DPP6: variants seen among roughly 807,000 people sequenced by gnomAD.
DPP6 encodes the protein dipeptidyl peptidase like 6, also known as A-type potassium channel modulatory protein DPP6.
A neutral mutation model predicts 122.6 loss-of-function variants in DPP6; 69 were observed. The ratio of observed to expected loss-of-function variants is 0.56; its 90% CI spans 0.46 to 0.69. The LOEUF (loss-of-function observed/expected upper bound fraction) is 0.69. DPP6 is among the 30% of genes least tolerant of loss of function. The pLI is 0.00. For synonymous variants in DPP6, 418 were observed against 433.1 expected, an observed-to-expected ratio of 0.97 and a Z score of 0.43; for missense variants, 928 against 1,116.9, an observed-to-expected ratio of 0.83 and a Z score of 2.41.
chr7:153,868,885 A>AT, the DPP6 span, among the ~76,000 whole-genome samples: 2 of 152,030 alleles, frequency 1.3e-5, no homozygotes, highest in Non-Finnish European at 2.9e-5. Context: ...GAACATCTTT[A>AT]TTTCTGCTTT....
chr7:154,288,487 C>G (rs558176981), intron 1 of DPP6, among the ~76,000 whole-genome samples: 81 of 152,362 alleles, frequency 5.3e-4, no homozygotes, highest in African/African-American at 1.9e-3. Context: ...TGCAATCTCT[C>G]TGCACATCTG....
intron 3 of DPP6, 50 bp downstream of exon 3, chr7:154,475,087 C>A: frequency 1.4e-6 from 2 of 1,400,504 alleles, no homozygotes; most frequent in Non-Finnish European, 2.0e-6. Flanking sequence ...ATGCCTCACC[C>A]CCACTTTCAA....
In DPP6 at chr7:154,602,959, A is replaced by G. The variant is rs1335367441; in HGVS notation, c.628-34862A>G. 4.9e-5 allele frequency among the ~76,000 whole-genome samples: 5 copies of G among 102,238 alleles called. 1 individual carries two copies. Among genetic ancestry groups the G allele is most frequent in the African/African-American group, 1.4e-4 (5 of 35,848 alleles). The allele number at this position is 102,238 out of a possible 152,430, so 67.1% of individuals were successfully genotyped here. ...CAATGAATTCTCTCAACTTTTGTTTATCTGAAGAATTATTTCGCTTTCATT... is the reference window on the plus strand; with the variant it reads ...CAATGAATTCTCTCAACTTTTGTTTGTCTGAAGAATTATTTCGCTTTCATT... On this transcript the variant is annotated intron_variant, in intron 5 of 25. Transcript: ENST00000377770.
At chr7:153,809,479 G>A in the DPP6 span, among the ~76,000 whole-genome samples, 3 of 151,434 alleles carry the variant, frequency 2.0e-5, no homozygotes, top group Non-Finnish European at 2.9e-5. Context: ...ATGTTTTCCC[G>A]CAAGCAGTTC....
rs375602173 is a variant in DPP6, at chr7:154,063,721, C to A, written c.243+10658C>A. ...CCGTGAGGTGGGGACTGAGAGCCAG[C>A]CCCTCTTCCCCCCCGGCTTAGGACC... On this transcript the variant is annotated intron_variant, in intron 1 of 25. Coordinates refer to ENST00000377770, the MANE Select transcript of DPP6 (RefSeq NM_130797.4). Among the ~76,000 whole-genome samples, 164 of 148,458 alleles carry A rather than the reference C, an allele frequency of 1.1e-3. 1 individual carries two copies. Among genetic ancestry groups the A allele is most frequent in the South Asian group, 4.1e-3 (19 of 4,652 alleles).
intron 1 of DPP6, among the ~76,000 whole-genome samples, chr7:154,391,331 A>G (rs1814599127): frequency 2.0e-5 from 3 of 148,870 alleles, no homozygotes; most frequent in Admixed American, 2.0e-4. Context: ...TACCTCCTCC[A>G]TCCCCAGTCT....
chr7:154,116,543 C>T (rs1253848938), intron 1 of DPP6, among the ~76,000 whole-genome samples: 2 of 152,176 alleles, frequency 1.3e-5, no homozygotes, highest in Non-Finnish European at 2.9e-5. Flanking sequence ...TAAAACAAAA[C>T]CTAAAGTATT....
At chr7:154,391,260 G>T (rs1191854108) in intron 1 of DPP6, among the ~76,000 whole-genome samples, 1 of 152,148 alleles carries the variant, frequency 6.6e-6, no homozygotes, top group Non-Finnish European at 1.5e-5. Context: ...TCCTTTTGGG[G>T]TGTCAGCATT....
At chr7:153,905,304 C>A (rs1048710757) in intron 1 of DPP6, among the ~76,000 whole-genome samples, 1 of 152,040 alleles carries the variant, frequency 6.6e-6, no homozygotes, top group Non-Finnish European at 1.5e-5. Context: ...GTTTCTCTGG[C>A]CAGCCTCGGG....
chr7:154,622,916 G>T (rs919626248), intron 5 of DPP6, among the ~76,000 whole-genome samples: 2 of 152,184 alleles, frequency 1.3e-5, no homozygotes, highest in Admixed American at 1.3e-4. Flanking sequence ...TTTGTTACAA[G>T]GGACTTGGTG....
chr7:154,609,219 A>C (rs1183720173), intron 5 of DPP6, among the ~76,000 whole-genome samples: 1 of 152,248 alleles, frequency 6.6e-6, no homozygotes, highest in Non-Finnish European at 1.5e-5. Flanking sequence ...TGTACGTAAT[A>C]GGAGGGTATT....
At chr7:154,504,876 A>G (rs894526581) in intron 3 of DPP6, among the ~76,000 whole-genome samples, 5 of 152,024 alleles carry the variant, frequency 3.3e-5, no homozygotes, top group African/African-American at 9.7e-5. Flanking sequence ...ATCCTCAATC[A>G]TGCATTACCT....
chr7:153,942,446 A>G (rs1035678433), intron 1 of DPP6, among the ~76,000 whole-genome samples: 3 of 152,236 alleles, frequency 2.0e-5, no homozygotes, highest in Admixed American at 2.0e-4. Context: ...GGTGGCCCTC[A>G]GAGGCATTGG....
the DPP6 span, among the ~76,000 whole-genome samples, chr7:153,755,038 C>T: frequency 1.3e-4 from 19 of 147,088 alleles, no homozygotes; most frequent in Non-Finnish European, 2.0e-4. Flanking sequence ...ATTTTCTTCT[C>T]GAAATTGGAC....
At chr7:154,609,072 T>C (rs1270479759) in intron 5 of DPP6, among the ~76,000 whole-genome samples, 1 of 152,248 alleles carries the variant, frequency 6.6e-6, no homozygotes, top group Non-Finnish European at 1.5e-5. Context: ...TCAGACCTGC[T>C]GCCCCACTAG....
intron 1 of DPP6, among the ~76,000 whole-genome samples, chr7:153,994,765 C>T (rs1313338269): frequency 6.6e-6 from 1 of 151,850 alleles, no homozygotes; most frequent in African/African-American, 2.4e-5. Flanking sequence ...TTAATATTGA[C>T]TTAAGGTATA....
At chr7:154,196,550 T>C (rs1378609247) in intron 1 of DPP6, among the ~76,000 whole-genome samples, 1 of 152,196 alleles carries the variant, frequency 6.6e-6, no homozygotes, top group Non-Finnish European at 1.5e-5. Context: ...ATTCAGTGAA[T>C]TTCTGTGTTA....
chr7:154,360,109 T>A (rs1307367408), intron 1 of DPP6, among the ~76,000 whole-genome samples: 1 of 152,234 alleles, frequency 6.6e-6, no homozygotes, highest in Non-Finnish European at 1.5e-5. Context: ...TTCTTATTTC[T>A]TTAAGAATTG....
At chr7:154,478,792 C>T (rs1236277043) in intron 3 of DPP6, among the ~76,000 whole-genome samples, 1 of 152,072 alleles carries the variant, frequency 6.6e-6, no homozygotes, top group Non-Finnish European at 1.5e-5. Context: ...GTATTTTAAC[C>T]AAAATTATAG....
Sources: allele counts gnomAD v4.1 joint callset (sites outside exome capture counted in the v4.1 genomes callset), GRCh38; gene constraint gnomAD v4.1.1; transcripts MANE v1.5; gene names NCBI Gene and HGNC (gene_info 2026-07-23, HGNC 2026-07-21).